DNM3: variants seen among roughly 807,000 people sequenced by gnomAD.
The protein encoded by DNM3 is dynamin 3.
Under a neutral mutation model 101.6 loss-of-function variants are expected in DNM3, and 47 were observed. That is an observed-to-expected ratio of 0.46 (90% confidence interval 0.37 to 0.59). The LOEUF (loss-of-function observed/expected upper bound fraction) is 0.59, where lower values mean the gene tolerates loss of function less well. Ranked by LOEUF, DNM3 falls within the 20% of genes least tolerant of loss-of-function variation. The pLI is 0.00. For synonymous variants in DNM3, 385 were observed against 387.9 expected (o/e 0.99, Z 0.09); for missense variants, 849 against 1,085.7 (o/e 0.78, Z 3.06).
rs180925061 is a variant in DNM3 at position 172,054,684 on chromosome 1, C to T, written c.1335+5934C>T. On this transcript the variant is annotated intron_variant, in intron 10 of 20. Coordinates refer to ENST00000627582, the MANE Select transcript of DNM3 (RefSeq NM_015569.5). ...TTAGAAATACAGGGAAAGGGCCAGGCGAGGTGGCTCATGCCTGTAATCCCA... is the reference window on the plus strand; with the variant it reads ...TTAGAAATACAGGGAAAGGGCCAGGTGAGGTGGCTCATGCCTGTAATCCCA... Among the ~76,000 whole-genome samples, 559 of 152,086 alleles carry T rather than the reference C, an allele frequency of 3.7e-3. 6 individuals are homozygous for T. The highest frequency in any genetic ancestry group is 0.013 in the African/African-American group (540 of 41,478).
intron 14 of DNM3, among the ~76,000 whole-genome samples, chr1:172,246,460 G>A (rs2061958404): frequency 6.6e-6 from 1 of 152,036 alleles, no homozygotes; most frequent in South Asian, 2.1e-4. Context: ...TGGAAAATGA[G>A]ACCTATAATA....
chr1:171,903,859 A>G (rs1000760910), intron 1 of DNM3, among the ~76,000 whole-genome samples: 3 of 152,232 alleles, frequency 2.0e-5, no homozygotes, highest in African/African-American at 7.2e-5. Context: ...ACTGCTTAAA[A>G]TGTTCTATTA....
At chr1:172,316,688 ACTAT>A (rs2065378936) in intron 16 of DNM3, among the ~76,000 whole-genome samples, 1 of 152,166 alleles carries the variant, frequency 6.6e-6, no homozygotes, top group African/African-American at 2.4e-5. Context: ...AGAAGAGCTA[ACTAT>A]CCTAAATATA....
chr1:172,144,407 C>T, intron 14 of DNM3: 2 of 233,584 alleles, frequency 8.6e-6, no homozygotes, highest in South Asian at 5.1e-5. Flanking sequence ...GCAGTGTCCC[C>T]GAGGGCTTCT....
intron 4 of DNM3, among the ~76,000 whole-genome samples, chr1:172,014,850 A>G (rs966820390): frequency 3.3e-5 from 5 of 151,934 alleles, no homozygotes; most frequent in Admixed American, 6.6e-5. Flanking sequence ...TGTTGTGTCT[A>G]GAAAGTTATT....
chr1:172,322,835 T>C (rs898344332), intron 16 of DNM3, among the ~76,000 whole-genome samples: 1 of 151,420 alleles, frequency 6.6e-6, no homozygotes, highest in Non-Finnish European at 1.5e-5. Flanking sequence ...TTTTTTTTTT[T>C]CCACCTTCTT....
At chr1:171,910,291 G>T (rs539271873) in intron 1 of DNM3, among the ~76,000 whole-genome samples, 2 of 152,298 alleles carry the variant, frequency 1.3e-5, no homozygotes, top group African/African-American at 2.4e-5. Context: ...AAGACTCAAT[G>T]GAAAATTCCA....
chr1:172,160,093 GGC>G (rs2058492843), intron 14 of DNM3, among the ~76,000 whole-genome samples: 1 of 151,838 alleles, frequency 6.6e-6, no homozygotes, highest in African/African-American at 2.4e-5. Context: ...ACCTGTAAAG[GGC>G]GTTTACTATC....
chr1:172,032,638 T>C, intron 5 of DNM3, 138 bp downstream of exon 5: 1 of 497,634 alleles, frequency 2.0e-6, no homozygotes, highest in Non-Finnish European at 3.5e-6. Context: ...GGATTTATTA[T>C]TAGTTATACT....
intron 17 of DNM3, among the ~76,000 whole-genome samples, chr1:172,361,205 G>A (rs1326509888): frequency 6.6e-6 from 1 of 151,946 alleles, no homozygotes; most frequent in East Asian, 1.9e-4. Flanking sequence ...TGTGGGAGGG[G>A]CAACTTTCTT....
intron 14 of DNM3, among the ~76,000 whole-genome samples, chr1:172,188,347 G>A (rs2059591956): frequency 6.6e-6 from 1 of 152,018 alleles, no homozygotes; most frequent in Admixed American, 6.6e-5. Flanking sequence ...CTGAGTAGCT[G>A]GGAATCCAGG....
chr1:172,375,405 A>T (rs981844114), intron 17 of DNM3, among the ~76,000 whole-genome samples: 1 of 152,040 alleles, frequency 6.6e-6, no homozygotes, highest in Non-Finnish European at 1.5e-5. Context: ...TTCCAGCCTC[A>T]TCAAATTAGA....
chr1:172,032,374 T>A, intron 4 of DNM3, 28 bp from the exon 5 acceptor site: 5 of 1,536,156 alleles, frequency 3.3e-6, no homozygotes, highest in Non-Finnish European at 4.5e-6. Flanking sequence ...CTGCAAATTG[T>A]GTAATGTTGG....
In DNM3 at chr1:172,409,844, T is replaced by C. The variant is rs1486329150; in HGVS notation, c.*2003T>C. 5 of 985,706 alleles carry C rather than the reference T, an allele frequency of 5.1e-6. No homozygotes were observed. The highest frequency in any genetic ancestry group is 3.5e-5 in the African/African-American group (2 of 57,238). 61.1% of individuals were successfully genotyped at this position (985,706 alleles called of 1,614,324 possible). A position where few individuals can be genotyped will look rare whatever the true frequency, so the allele number is the denominator to read the frequency against. ...TGGCTTTGTGCTAAATGTGGTTTTG[T>C]GTTTTGCTGTATTTCAAAATTTTCC... On this transcript the variant is annotated 3_prime_UTR_variant, in exon 21 of 21. Transcript: ENST00000627582.
chr1:171,991,499 G>C (rs2045627993), intron 4 of DNM3, among the ~76,000 whole-genome samples: 1 of 152,148 alleles, frequency 6.6e-6, no homozygotes. Context: ...ATAGGGCAAT[G>C]TATGAGAAGC....
intron 14 of DNM3, among the ~76,000 whole-genome samples, chr1:172,186,866 C>T (rs1014848029): frequency 2.0e-5 from 3 of 152,056 alleles, no homozygotes; most frequent in Non-Finnish European, 2.9e-5. Flanking sequence ...GAAGACTCCC[C>T]CATCTTGAAG....
chr1:172,247,040 A>G (rs138589329), intron 14 of DNM3, among the ~76,000 whole-genome samples: 22 of 152,228 alleles, frequency 1.4e-4, no homozygotes, highest in Non-Finnish European at 2.6e-4. Context: ...CTGCAAAAAC[A>G]TTTATCGTCC....
chr1:172,362,420 C>T (rs2067788643), intron 17 of DNM3, among the ~76,000 whole-genome samples: 2 of 151,816 alleles, frequency 1.3e-5, no homozygotes, highest in Admixed American at 6.6e-5. Flanking sequence ...GGCACCAGGT[C>T]GTGATGTGCA....
At chr1:171,989,993 C>T (rs1357405843) in intron 4 of DNM3, among the ~76,000 whole-genome samples, 1 of 152,030 alleles carries the variant, frequency 6.6e-6, no homozygotes, top group Admixed American at 6.6e-5. Flanking sequence ...TTTTGTTCTA[C>T]TTTCTGCAAG....
Sources: gnomAD v4.1 joint callset for allele counts (sites outside exome capture counted in the v4.1 genomes callset) on GRCh38, gnomAD v4.1.1 for gene constraint, MANE v1.5 for transcripts, NCBI Gene and HGNC (gene_info 2026-07-23, HGNC 2026-07-21) for gene names.